Variants in CAST observed in about 807,000 individuals in gnomAD.
CAST encodes calpastatin.
CAST carries 76 observed loss-of-function variants against 119.6 expected under a neutral mutation model. The ratio of observed to expected loss-of-function variants is 0.64; its 90% confidence interval spans 0.53 to 0.77. The LOEUF is 0.77. Among genes scored for constraint, CAST ranks in the 30% least tolerant of loss-of-function variants. CAST has a pLI of 0.00. For missense variants in CAST, 953 were observed against 946.5 expected (o/e 1.01, Z -0.09); for synonymous variants, 319 against 331.6 (o/e 0.96, Z 0.41).
At chr5:96,609,337 C>T (rs773312746) in intron 1 of CAST, among the ~76,000 whole-genome samples, 15 of 152,204 alleles carry the variant, frequency 9.9e-5, no homozygotes, top group Middle Eastern at 3.4e-3. Context: ...ATATAAAATA[C>T]GTGCAAATTT....
chr5:96,578,579 C>A (rs1746716986), intron 1 of CAST, among the ~76,000 whole-genome samples: 1 of 151,892 alleles, frequency 6.6e-6, no homozygotes, highest in Non-Finnish European at 1.5e-5. Flanking sequence ...ATATTTATTT[C>A]TTTACTGAGA....
the CAST span, among the ~76,000 whole-genome samples, chr5:96,420,815 G>A: frequency 6.6e-6 from 1 of 151,986 alleles, no homozygotes; most frequent in African/African-American, 2.4e-5. Flanking sequence ...GAGAGACAGA[G>A]ACAGACTTGT....
chr5:96,147,498 G>A, the CAST span, among the ~76,000 whole-genome samples: 1 of 152,160 alleles, frequency 6.6e-6, no homozygotes, highest in Non-Finnish European at 1.5e-5. Context: ...AGCTACTCAG[G>A]AGGCTGAGGC....
At chr5:96,570,749 CTT>C (rs1746554200) in intron 1 of CAST, among the ~76,000 whole-genome samples, 1 of 152,122 alleles carries the variant, frequency 6.6e-6, no homozygotes, top group African/African-American at 2.4e-5. Context: ...ACTGGTATCT[CTT>C]TTGAATGAAT....
At chr5:96,604,483 T>G (rs1168505284) in intron 1 of CAST, among the ~76,000 whole-genome samples, 1 of 152,240 alleles carries the variant, frequency 6.6e-6, no homozygotes, top group Non-Finnish European at 1.5e-5. Flanking sequence ...AAGTAATTCA[T>G]TCTTACCAGA....
At chr5:96,113,800 A>G in the CAST span, among the ~76,000 whole-genome samples, 3 of 152,242 alleles carry the variant, frequency 2.0e-5, no homozygotes, top group Non-Finnish European at 2.9e-5. Context: ...TATTCTGACT[A>G]AGACTCCTCC....
chr5:96,096,032 G>A, the CAST span, among the ~76,000 whole-genome samples: 1 of 152,144 alleles, frequency 6.6e-6, no homozygotes, highest in African/African-American at 2.4e-5. Context: ...ACCAGAATGG[G>A]TTATGTGGTA....
chr5:96,619,281 T>C (rs1264541672), intron 1 of CAST, among the ~76,000 whole-genome samples: 40 of 93,662 alleles, frequency 4.3e-4, no homozygotes, highest in Non-Finnish European at 1.4e-4. Context: ...TATGTCTAGC[T>C]AGAGGATTGT....
chr5:96,102,475 T>C, the CAST span, among the ~76,000 whole-genome samples: 2 of 152,062 alleles, frequency 1.3e-5, no homozygotes, highest in Admixed American at 6.6e-5. Flanking sequence ...CAATACTTGT[T>C]TGGTAAAAAG....
chr5:96,425,058 AAG>A, the CAST span, among the ~76,000 whole-genome samples: 1 of 131,700 alleles, frequency 7.6e-6, no homozygotes, highest in Non-Finnish European at 1.7e-5. Flanking sequence ...GAAAGAAAGA[AAG>A]AAAGAAAGAA....
the CAST span, among the ~76,000 whole-genome samples, chr5:96,147,499 A>C: frequency 6.6e-6 from 1 of 152,170 alleles, no homozygotes; most frequent in African/African-American, 2.4e-5. Flanking sequence ...GCTACTCAGG[A>C]GGCTGAGGCA....
At chr5:96,068,891 C>T in the CAST span, among the ~76,000 whole-genome samples, 1 of 133,602 alleles carries the variant, frequency 7.5e-6, no homozygotes, top group Non-Finnish European at 1.6e-5. Context: ...ATACATACAC[C>T]AATGTATACA....
the CAST span, among the ~76,000 whole-genome samples, chr5:96,224,693 T>C: frequency 1.3e-5 from 2 of 152,166 alleles, no homozygotes; most frequent in African/African-American, 4.8e-5. Context: ...CTAGCACTAG[T>C]AGAGAATAAA....
chr5:96,132,389 ATATT>A, the CAST span, among the ~76,000 whole-genome samples: 18 of 152,238 alleles, frequency 1.2e-4, no homozygotes, highest in Non-Finnish European at 2.5e-4. Context: ...ATCACCTCAA[ATATT>A]TATTTCTTTG....
the CAST span, among the ~76,000 whole-genome samples, chr5:96,051,172 C>T: frequency 6.6e-6 from 1 of 151,966 alleles, no homozygotes; most frequent in East Asian, 1.9e-4. Context: ...GTTATAAGTG[C>T]TATTGATGCT....
At chr5:96,003,513 G>A in the CAST span, among the ~76,000 whole-genome samples, 1 of 149,306 alleles carries the variant, frequency 6.7e-6, no homozygotes, top group East Asian at 1.9e-4. Context: ...ACTCCAGCCT[G>A]GGCGACAGAG....
the CAST span, among the ~76,000 whole-genome samples, chr5:96,463,897 C>T: frequency 6.6e-6 from 1 of 152,146 alleles, no homozygotes; most frequent in Non-Finnish European, 1.5e-5. Flanking sequence ...GAACCTCTTC[C>T]ATCTTTAACT....
At chr5:96,605,459 C>G (rs1427171757) in intron 1 of CAST, among the ~76,000 whole-genome samples, 1 of 152,188 alleles carries the variant, frequency 6.6e-6, no homozygotes. Flanking sequence ...ATTCTAAAGG[C>G]TTTGTCTTCC....
At chr5:96,008,802 C>T in the CAST span, among the ~76,000 whole-genome samples, 59 of 152,178 alleles carry the variant, frequency 3.9e-4, 1 homozygote, top group South Asian at 9.5e-3. Flanking sequence ...GCAGAAGAAT[C>T]CTGGTGATAT....
Sources: gnomAD v4.1 joint callset for allele counts (sites outside exome capture counted in the v4.1 genomes callset) on GRCh38, gnomAD v4.1.1 for gene constraint, MANE v1.5 for transcripts, NCBI Gene and HGNC (gene_info 2026-07-23, HGNC 2026-07-21) for gene names.